Variants in SENP2 observed in about 807,000 individuals in gnomAD.
The protein encoded by SENP2 is sentrin-specific protease 2.
A neutral mutation model predicts 86.3 loss-of-function variants in SENP2; 16 were observed. The ratio of observed to expected loss-of-function variants is 0.19; its 90% CI spans 0.13 to 0.28. SENP2 has a LOEUF of 0.28. Among genes scored for constraint, SENP2 ranks in the 10% least tolerant of loss-of-function variants. The probability of loss-of-function intolerance (pLI) is 1.00; values close to 1 mark genes in which losing one functional copy is unlikely to be tolerated. For missense variants in SENP2, 552 were observed against 703.0 expected, an observed-to-expected ratio of 0.79 and a Z score of 2.43; for synonymous variants, 222 against 238.7, an observed-to-expected ratio of 0.93 and a Z score of 0.64.
chr3:185,589,696 G>T (rs141200060), intron 1 of SENP2, among the ~76,000 whole-genome samples: 10 of 152,092 alleles, frequency 6.6e-5, no homozygotes, highest in African/African-American at 1.9e-4. Flanking sequence ...TTAAAACAAG[G>T]TCTCACTCTT....
chr3:185,586,529 G>C lies in SENP2; in HGVS notation c.101+15G>C. ...CGCTCAGACAGGTGAGACGAGAGGG[G>C]GCTGAGCGCCAGCCTGGCCTTACCC... On this transcript the variant is annotated intron_variant, in intron 1 of 16. Transcript: ENST00000296257. This position sits in a 1 kb window ranked among gnomAD's most constrained non-coding sequence, Gnocchi z 4.3. 1 of 1,608,588 alleles carries C rather than the reference G, an allele frequency of 6.2e-7. No individual in the cohort carries two copies. Among genetic ancestry groups the C allele is most frequent in the Non-Finnish European group, 8.5e-7 (1 of 1,177,870 alleles).
chr3:185,633,143 T>G lies in SENP2; in HGVS notation c.*3299T>G, dbSNP rs1285031942. On this transcript the variant is annotated 3_prime_UTR_variant, in exon 17 of 17. Transcript: ENST00000296257. ...CCATGTCTGATAGCGGATGTCTTCC[T>G]GCTGTGAGGAGCTGCTTGATGTGGG... is the stretch of plus-strand genomic sequence containing the variant. The G allele has an allele frequency of 6.6e-6, 1 of 152,276 alleles. No homozygotes were observed. Among genetic ancestry groups the G allele is most frequent in the Non-Finnish European group, 1.5e-5 (1 of 68,086 alleles). 9.4% of individuals were successfully genotyped at this position (152,276 alleles called of 1,614,324 possible). A position where few individuals can be genotyped will look rare whatever the true frequency, so the allele number is the denominator to read the frequency against.
intron 13 of SENP2, among the ~76,000 whole-genome samples, chr3:185,620,453 A>G (rs969795963): frequency 6.6e-6 from 1 of 151,078 alleles, no homozygotes; most frequent in Non-Finnish European, 1.5e-5. Context: ...GTTTGTTTGT[A>G]TGTTTTTGAG....
rs369236428 is a variant in SENP2, at chr3:185,632,213, G to GTTTTTTTT, written c.*2372_*2379dup. 1.4e-4 allele frequency: 18 copies of GTTTTTTTT among 125,324 alleles called. No individual in the cohort carries two copies. Among genetic ancestry groups the GTTTTTTTT allele is most frequent in the East Asian group, 2.3e-4 (1 of 4,278 alleles). The allele number at this position is 125,324 out of a possible 1,614,324, so 7.8% of individuals were successfully genotyped here. A position where few individuals can be genotyped will look rare whatever the true frequency, so the allele number is the denominator to read the frequency against. On this transcript the variant is annotated 3_prime_UTR_variant, in exon 17 of 17. Coordinates refer to ENST00000296257, the MANE Select transcript of SENP2 (RefSeq NM_021627.3). ...CAAATTATCACCATTAAAGCCAGTGGTTTTTTTTTTGTTTTTTTTTTTTGT... is the reference window on the plus strand; with the variant it reads ...CAAATTATCACCATTAAAGCCAGTGGTTTTTTTTTTTTTTTTTTGTTTTTTTTTTTTGT...
chr3:185,589,701 A>G (rs1297864571), intron 1 of SENP2, among the ~76,000 whole-genome samples: 1 of 151,812 alleles, frequency 6.6e-6, no homozygotes. Flanking sequence ...ACAAGGTCTC[A>G]CTCTTTTGAT....
At chr3:185,613,690 C>T (rs972545371) in intron 10 of SENP2, 1 of 226,070 alleles carries the variant, frequency 4.4e-6, no homozygotes, top group African/African-American at 2.3e-5. Context: ...GTTAGCCAGG[C>T]ATGGTGGCAT....
chr3:185,592,436 A>G (rs1193069766), intron 2 of SENP2, among the ~76,000 whole-genome samples: 2 of 152,110 alleles, frequency 1.3e-5, no homozygotes, highest in Admixed American at 6.5e-5. Flanking sequence ...TGCTATAATA[A>G]TATATTCCTC....
chr3:185,588,703 G>C (rs1283725358), intron 1 of SENP2, among the ~76,000 whole-genome samples: 1 of 152,118 alleles, frequency 6.6e-6, no homozygotes, highest in South Asian at 2.1e-4. Context: ...GTTGATATAA[G>C]GATCATTTGA....
chr3:185,592,053 G>A (rs1253196368), intron 2 of SENP2, among the ~76,000 whole-genome samples: 1 of 69,612 alleles, frequency 1.4e-5, no homozygotes, highest in South Asian at 4.5e-4. Flanking sequence ...ATCTTGCTCT[G>A]TCTTGATCTT....
intron 4 of SENP2, among the ~76,000 whole-genome samples, chr3:185,600,425 G>A (rs1222373433): frequency 6.6e-6 from 1 of 152,126 alleles, no homozygotes; most frequent in Non-Finnish European, 1.5e-5. Flanking sequence ...CATACGGCTG[G>A]TTTGAATTTG....
chr3:185,617,741 T>C, intron 12 of SENP2, 130 bp downstream of exon 12: 1 of 718,294 alleles, frequency 1.4e-6, no homozygotes, highest in Non-Finnish European at 2.2e-6. Flanking sequence ...AACAAAAACA[T>C]TTTAAATCTT....
At chr3:185,626,811 C>T (rs1712167895) in intron 16 of SENP2, among the ~76,000 whole-genome samples, 1 of 150,988 alleles carries the variant, frequency 6.6e-6, no homozygotes, top group African/African-American at 2.4e-5. Flanking sequence ...TAGCTGGGCT[C>T]ATGCCTGTAA....
intron 16 of SENP2, among the ~76,000 whole-genome samples, chr3:185,628,670 C>T (rs1712268277): frequency 6.6e-6 from 1 of 152,008 alleles, no homozygotes; most frequent in Non-Finnish European, 1.5e-5. Flanking sequence ...CCACCCCTGG[C>T]TAATTTTGTA....
intron 11 of SENP2, 95 bp from the exon 12 acceptor site, chr3:185,617,385 C>A: frequency 1.1e-6 from 1 of 944,292 alleles, no homozygotes; most frequent in South Asian, 2.1e-5. Flanking sequence ...TCAGGTGTTG[C>A]CGAGATGAAA....
intron 4 of SENP2, 123 bp downstream of exon 4, chr3:185,599,147 C>T (rs559153108): frequency 3.2e-5 from 22 of 681,762 alleles, no homozygotes; most frequent in Admixed American, 9.3e-5. Flanking sequence ...TTCTTTCTAC[C>T]GTTCTAAAAA....
intron 14 of SENP2, among the ~76,000 whole-genome samples, 170 bp downstream of exon 14, chr3:185,622,075 A>G (rs1308177251): frequency 6.6e-6 from 1 of 152,232 alleles, no homozygotes; most frequent in African/African-American, 2.4e-5. Context: ...AAACGTGTTT[A>G]GTAGCATCAC....
chr3:185,633,119 C>G lies in SENP2; in HGVS notation c.*3275C>G, dbSNP rs1284568252. Reference sequence around the variant, plus strand: ...AATCCTAAGCACAACTTCAGAAAACCATGTCTGATAGCGGATGTCTTCCTG... The same window carrying G: ...AATCCTAAGCACAACTTCAGAAAACGATGTCTGATAGCGGATGTCTTCCTG... On this transcript the variant is annotated 3_prime_UTR_variant, in exon 17 of 17. Transcript: ENST00000296257. 1 of 152,172 alleles carries G rather than the reference C, an allele frequency of 6.6e-6. No homozygotes were observed. Among genetic ancestry groups the G allele is most frequent in the African/African-American group, 2.4e-5 (1 of 41,424 alleles). 9.4% of individuals were successfully genotyped at this position (152,172 alleles called of 1,614,324 possible).
intron 12 of SENP2, among the ~76,000 whole-genome samples, chr3:185,617,877 C>T (rs1009352926): frequency 6.6e-6 from 1 of 152,130 alleles, no homozygotes; most frequent in Non-Finnish European, 1.5e-5. Context: ...AGCTGATAAA[C>T]GGGAGGAAGC....
At position 185,626,377 on chromosome 3, in the gene SENP2, C is replaced by G. The variant is rs1712145461; in HGVS notation, c.1691C>G (p.Pro564Arg). 1 of 1,607,424 alleles carries G rather than the reference C, an allele frequency of 6.2e-7. No individual in the cohort carries two copies. The highest frequency in any genetic ancestry group is 2.2e-5 in the East Asian group (1 of 44,842). ...GCAGATTATATTTCTAGGGACAAAC[C>G]TATCACATTTACTCAGGTGAGTGAA... ...KYADYISRDK[P>R]ITFTQHQMPL... The change falls in exon 16 of 17, where the codon CCT becomes CGT. Residue 564 changes from proline to arginine, a missense_variant. Physicochemically the swap from Pro to Arg is moderately radical, Grantham distance 103. Coordinates refer to ENST00000296257, the MANE Select transcript of SENP2 (RefSeq NM_021627.3).
Sources: gnomAD v4.1 joint callset for allele counts (sites outside exome capture counted in the v4.1 genomes callset) on GRCh38, gnomAD v4.1.1 for gene constraint, Gnocchi (gnomAD v3.1) non-coding constraint, MANE v1.5 for transcripts, NCBI Gene and HGNC (gene_info 2026-07-23, HGNC 2026-07-21) for gene names.